Variants in ATE1 observed in about 807,000 individuals in gnomAD.
ATE1 encodes the protein arginyltransferase 1, also known as arginyl-tRNA--protein transferase 1.
In ATE1, 36 loss-of-function variants were observed where a neutral mutation model predicts 70.5. That is an observed-to-expected ratio of 0.51 (90% CI 0.39 to 0.67). The LOEUF is 0.67. ATE1 is among the 30% of genes least tolerant of loss of function. The probability of loss-of-function intolerance (pLI) is 0.00; values close to 1 mark genes in which losing one functional copy is unlikely to be tolerated. For missense variants in ATE1, 593 were observed against 629.5 expected, an observed-to-expected ratio of 0.94 and a Z score of 0.62; for synonymous variants, 232 against 219.3, an observed-to-expected ratio of 1.06 and a Z score of -0.51.
rs1214456549 is a variant in ATE1, at chr10:121,740,738, G to A, written c.*2942C>T. On this transcript the variant is annotated 3_prime_UTR_variant, in exon 12 of 12. Transcript: ENST00000224652. ...ATATACTGTTCAGAAATCTGGAAAG[G>A]TTCTTTTACATAATAGATTCTGACA... is the stretch of plus-strand genomic sequence containing the variant. 6.6e-6 allele frequency: 1 copy of A among 152,024 alleles called. No homozygotes were observed. Among genetic ancestry groups the A allele is most frequent in the African/African-American group, 2.4e-5 (1 of 41,396 alleles). The allele number at this position is 152,024 out of a possible 1,614,324, so 9.4% of individuals were successfully genotyped here. A position where few individuals can be genotyped will look rare whatever the true frequency, so the allele number is the denominator to read the frequency against.
At chr10:121,896,965 T>A (rs1005127972) in intron 7 of ATE1, among the ~76,000 whole-genome samples, 1 of 152,104 alleles carries the variant, frequency 6.6e-6, no homozygotes, top group African/African-American at 2.4e-5. Context: ...CCTCTGCATT[T>A]TGCTAGTCCT....
chr10:121,856,373 T>C (rs1949250887), intron 8 of ATE1, among the ~76,000 whole-genome samples: 1 of 151,392 alleles, frequency 6.6e-6, no homozygotes, highest in Non-Finnish European at 1.5e-5. Context: ...CTACTAAAAA[T>C]ACAAAAATTA....
At chr10:121,818,898 T>C (rs1293964835) in intron 10 of ATE1, among the ~76,000 whole-genome samples, 2 of 152,190 alleles carry the variant, frequency 1.3e-5, no homozygotes, top group Non-Finnish European at 2.9e-5. Context: ...AAGAACTAGA[T>C]AAGTTGGAGG....
intron 11 of ATE1, among the ~76,000 whole-genome samples, chr10:121,752,355 C>T (rs1281789196): frequency 1.3e-5 from 2 of 150,856 alleles, no homozygotes; most frequent in African/African-American, 2.4e-5. Flanking sequence ...CTCAGCCTCC[C>T]GAGTAGCTGG....
intron 8 of ATE1, among the ~76,000 whole-genome samples, chr10:121,843,555 A>C (rs1564887486): frequency 6.6e-6 from 1 of 152,208 alleles, no homozygotes; most frequent in South Asian, 2.1e-4. Context: ...AACCTGTAAT[A>C]ATCAAGATGG....
rs2135631358 is a variant in ATE1, at chr10:121,743,364, GTTAC to G, written c.*312_*315del. The G allele has an allele frequency of 8.1e-6, 2 of 246,056 alleles. No individual in the cohort carries two copies. Among genetic ancestry groups the G allele is most frequent in the South Asian group, 3.0e-4 (2 of 6,648 alleles). The allele number at this position is 246,056 out of a possible 1,614,324, so 15.2% of individuals were successfully genotyped here. ...AAAAAAAATGCACAACTGTGATTAAGTTACTTAGATTCACTTCTTCATTTTACAA... is the reference window on the plus strand; with the variant it reads ...AAAAAAAATGCACAACTGTGATTAAGTTAGATTCACTTCTTCATTTTACAA... On this transcript the variant is annotated 3_prime_UTR_variant, in exon 12 of 12. Coordinates refer to ENST00000224652, the MANE Select transcript of ATE1 (RefSeq NM_001001976.3).
chr10:121,765,702 CCACT>C (rs1945251731), intron 11 of ATE1, among the ~76,000 whole-genome samples: 2 of 152,270 alleles, frequency 1.3e-5, no homozygotes, highest in South Asian at 4.1e-4. Flanking sequence ...ATTTCTGCTC[CCACT>C]AAGGCTTCAA....
chr10:121,748,555 C>T (rs77018915), intron 11 of ATE1, among the ~76,000 whole-genome samples: 1,574 of 152,136 alleles, frequency 0.01, 12 homozygotes, highest in African/African-American at 0.027. Flanking sequence ...TATCTGTTAA[C>T]AAACACATAC....
intron 10 of ATE1, among the ~76,000 whole-genome samples, chr10:121,804,383 A>G (rs1947011693): frequency 6.6e-6 from 1 of 152,286 alleles, no homozygotes. Flanking sequence ...TAAGGAGCCA[A>G]TCATCACCAA....
intron 7 of ATE1, among the ~76,000 whole-genome samples, chr10:121,875,138 CAAAAAAAAAA>C (rs1276048988): frequency 3.8e-5 from 3 of 79,386 alleles, no homozygotes; most frequent in South Asian, 8.7e-4. Context: ...GACTCCGTCT[CAAAAAAAAAA>C]AAAAAAAAAA....
intron 3 of ATE1, among the ~76,000 whole-genome samples, chr10:121,922,130 A>G (rs1421316242): frequency 1.3e-5 from 2 of 152,184 alleles, no homozygotes. Context: ...TTTTTTTCAC[A>G]TATTTATATC....
intron 11 of ATE1, among the ~76,000 whole-genome samples, chr10:121,752,451 G>A (rs1383719290): frequency 1.3e-5 from 2 of 151,708 alleles, no homozygotes; most frequent in Non-Finnish European, 2.9e-5. Context: ...TGATGGTCTC[G>A]ATCTCCTGAC....
chr10:121,816,483 T>A (rs1947546893), intron 10 of ATE1, among the ~76,000 whole-genome samples: 1 of 152,196 alleles, frequency 6.6e-6, no homozygotes, highest in African/African-American at 2.4e-5. Flanking sequence ...TAGGCCCCTT[T>A]CACTCTTCCA....
At chr10:121,844,017 G>A (rs1175066505) in intron 8 of ATE1, among the ~76,000 whole-genome samples, 1 of 152,186 alleles carries the variant, frequency 6.6e-6, no homozygotes, top group Admixed American at 6.5e-5. Context: ...AGAAAATCTT[G>A]TAAAAGACAT....
At chr10:121,757,782 C>G (rs924138679) in intron 11 of ATE1, among the ~76,000 whole-genome samples, 3 of 152,340 alleles carry the variant, frequency 2.0e-5, no homozygotes, top group Admixed American at 2.0e-4. Context: ...ATGGGAGCTA[C>G]AAGATGACAT....
chr10:121,923,432 T>G (rs929445506), intron 2 of ATE1, among the ~76,000 whole-genome samples: 4 of 152,130 alleles, frequency 2.6e-5, no homozygotes, highest in African/African-American at 4.8e-5. Context: ...GGCACTGTAC[T>G]CTAGCCTGGG....
intron 7 of ATE1, among the ~76,000 whole-genome samples, chr10:121,881,792 T>G (rs1016059509): frequency 2.6e-5 from 4 of 152,124 alleles, no homozygotes; most frequent in South Asian, 2.1e-4. Flanking sequence ...ACAAGTTTTT[T>G]GTTTTGCTTT....
intron 3 of ATE1, 129 bp downstream of exon 3, chr10:121,922,220 A>G: frequency 1.5e-6 from 1 of 663,944 alleles, no homozygotes; most frequent in East Asian, 2.8e-5. Context: ...GACATAACTC[A>G]TTTACTTTTC....
intron 11 of ATE1, among the ~76,000 whole-genome samples, chr10:121,789,961 C>T (rs575449552): frequency 2.0e-5 from 3 of 151,526 alleles, no homozygotes; most frequent in East Asian, 1.9e-4. Flanking sequence ...TGCACGAGCA[C>T]GTGAGGTTTC....
Sources: gnomAD v4.1 joint callset for allele counts (sites outside exome capture counted in the v4.1 genomes callset) on GRCh38, gnomAD v4.1.1 for gene constraint, MANE v1.5 for transcripts, NCBI Gene and HGNC (gene_info 2026-07-23, HGNC 2026-07-21) for gene names.